The following TRAF3IP3 variants were observed in gnomAD, a reference collection of about 807,000 sequenced individuals.
TRAF3IP3 encodes the protein TRAF3-interacting JNK-activating modulator.
TRAF3IP3 carries 64 observed loss-of-function variants against 86.5 expected under a neutral mutation model. That is an observed-to-expected ratio of 0.74 (90% CI 0.60 to 0.91). The LOEUF is 0.91. TRAF3IP3 is among the 40% of genes least tolerant of loss of function. The pLI, the probability that TRAF3IP3 is intolerant of heterozygous loss-of-function variation, is 0.00. For synonymous variants in TRAF3IP3, 220 were observed against 243.9 expected (o/e 0.90, Z 0.91); for missense variants, 579 against 642.9 (o/e 0.90, Z 1.07).
In TRAF3IP3 at chr1:209,760,310, A is replaced by G; in HGVS notation, c.271A>G (p.Arg91Gly). The change falls in exon 3 of 17, where the codon AGG (arginine) becomes GGG (glycine). Residue 91 changes from arginine to glycine, a missense_variant. By Grantham distance (125) the Arg-to-Gly change is moderately radical. Coordinates refer to ENST00000367025, the MANE Select transcript of TRAF3IP3 (RefSeq NM_025228.4). ...CCAGGCCAGGGAGCAAGGGCCCTCCAGGCGGCCAGGACAGGTGACTGTCCT... is the reference window on the plus strand; with the variant it reads ...CCAGGCCAGGGAGCAAGGGCCCTCCGGGCGGCCAGGACAGGTGACTGTCCT... ...HPQAREQGPS[R>G]RPGQVTVLKE... is the part of the protein sequence containing the mutation. 1 of 1,614,038 alleles carries G rather than the reference A, an allele frequency of 6.2e-7. No individual in the cohort carries two copies. Among genetic ancestry groups the G allele is most frequent in the Non-Finnish European group, 8.5e-7 (1 of 1,179,950 alleles).
At chr1:209,757,360 G>T (rs1276596198) in intron 1 of TRAF3IP3, among the ~76,000 whole-genome samples, 1 of 152,194 alleles carries the variant, frequency 6.6e-6, no homozygotes, top group African/African-American at 2.4e-5. Flanking sequence ...CGGCAAGAAG[G>T]TAGGAGGATT....
chr1:209,768,484 T>C, intron 8 of TRAF3IP3: 1 of 985,460 alleles, frequency 1.0e-6, no homozygotes, highest in Non-Finnish European at 1.2e-6. Flanking sequence ...GGAATTAAGA[T>C]CTTGAGATGA....
rs1259116439 is a variant in TRAF3IP3, at chr1:209,760,046, A to G, written c.7A>G (p.Ser3Gly). MI[S>G]PDPRPSPGLA... Reference sequence around the variant, plus strand: ...CAGGTGCTTGGAGGTCATCATGATCAGCCCAGACCCCAGGCCCTCCCCTGG... The same window carrying G: ...CAGGTGCTTGGAGGTCATCATGATCGGCCCAGACCCCAGGCCCTCCCCTGG... Residue 3 changes from serine to glycine, a missense_variant, in exon 3 of 17, where the codon AGC becomes GGC. Ser to Gly is a moderately conservative substitution (Grantham distance 56, BLOSUM62 0). Transcript: ENST00000367025. 1.9e-6 allele frequency: 3 copies of G among 1,606,916 alleles called. No homozygotes were observed. The highest frequency in any genetic ancestry group is 3.3e-5 in the Admixed American group (2 of 59,856).
rs1423805219 is a variant in TRAF3IP3 at position 209,765,286 on chromosome 1, GAAGA to G, written c.702+1702_702+1705del. Among the ~76,000 whole-genome samples, 667 of 86,410 alleles carry G rather than the reference GAAGA, an allele frequency of 7.7e-3. 21 individuals carry two copies. Among genetic ancestry groups the G allele is most frequent in the African/African-American group, 0.024 (563 of 23,792 alleles). The allele number at this position is 86,410 out of a possible 152,430, so 56.7% of individuals were successfully genotyped here. A position where few individuals can be genotyped will look rare whatever the true frequency, so the allele number is the denominator to read the frequency against. ...GGAAGGAAGGAAGGAAGGAAGGAAG[GAAGA>G]AATTAAGATAGAAATTGAGAAAGAA... On this transcript the variant is annotated intron_variant, in intron 8 of 16. Transcript: ENST00000367025.
intron 8 of TRAF3IP3, 125 bp from the exon 9 acceptor site, chr1:209,772,823 C>T: frequency 1.3e-6 from 1 of 755,108 alleles, no homozygotes; most frequent in Non-Finnish European, 2.3e-6. Context: ...CTCCTGCCTG[C>T]CTCCTGAAAG....
chr1:209,779,911 G>A, intron 14 of TRAF3IP3: 1 of 180,710 alleles, frequency 5.5e-6, no homozygotes, highest in Non-Finnish European at 1.2e-5. Context: ...CACAGAGTAT[G>A]GATAAGAACA....
intron 14 of TRAF3IP3, chr1:209,779,867 A>T: frequency 4.5e-6 from 1 of 219,950 alleles, no homozygotes; most frequent in East Asian, 1.1e-4. Context: ...ATCATTGGGC[A>T]TAATATAATA....
chr1:209,780,203 C>G, intron 14 of TRAF3IP3: 1 of 248,636 alleles, frequency 4.0e-6, no homozygotes. Context: ...GAAGTATTCA[C>G]TAAAACTATC....
chr1:209,761,541 T>G (rs1202484418), intron 3 of TRAF3IP3, among the ~76,000 whole-genome samples: 1 of 152,166 alleles, frequency 6.6e-6, no homozygotes, highest in South Asian at 2.1e-4. Context: ...CAATAGGAGA[T>G]GCTGTTCAGA....
Position 209,763,003 on chromosome 1 carries a change from A to G in TRAF3IP3, c.552-65A>G, listed in dbSNP as rs138139055. The G allele has an allele frequency of 5.3e-4, 846 of 1,597,074 alleles. 4 individuals are homozygous for G. The African/African-American group carries it at 8.9e-3, about 17-fold the overall frequency. On this transcript the variant is annotated intron_variant, in intron 5 of 16. Coordinates refer to ENST00000367025, the MANE Select transcript of TRAF3IP3 (RefSeq NM_025228.4). ...CCTACTGGCTCTTCAGAAGGAATCA[A>G]CCCACTGCCTCCTGACTTGATTCTT...
chr1:209,780,889 C>A lies in TRAF3IP3; in HGVS notation c.1449+283C>A, dbSNP rs181567323. On this transcript the variant is annotated intron_variant, in intron 15 of 16. Transcript: ENST00000367025. ...AAATATTAACTTCTCAATATGTCGT[C>A]CCACATTGAGTATCTTAAGTCTTTA... 6 of 212,896 alleles carry A rather than the reference C, an allele frequency of 2.8e-5. No individual in the cohort carries two copies. The Admixed American group carries it at 3.4e-4, about 12-fold the overall frequency. The allele number at this position is 212,896 out of a possible 1,614,324, so 13.2% of individuals were successfully genotyped here.
rs2102430057 is a variant in TRAF3IP3, at chr1:209,760,359, G to C, written c.320G>C (p.Arg107Thr). 1 of 1,606,710 alleles carries C rather than the reference G, an allele frequency of 6.2e-7. No homozygotes were observed. The highest frequency in any genetic ancestry group is 2.2e-5 in the East Asian group (1 of 44,518). The change falls in exon 3 of 17, where the codon AGA (arginine) becomes ACA (threonine). Residue 107 changes from arginine (R) to threonine (T), a missense_variant. Transcript: ENST00000367025. ...CTCAAGGAACCCTTGTCTTGTGCCA[G>C]AAGGATTTCTTCTCCCAGAGAGCAG... ...TVLKEPLSCA[R>T]RISSPREQVT...
At chr1:209,769,002 G>A (rs558252911) in intron 8 of TRAF3IP3, among the ~76,000 whole-genome samples, 44 of 152,298 alleles carry the variant, frequency 2.9e-4, no homozygotes, top group African/African-American at 1.0e-3. Context: ...CAACACGAAT[G>A]GAAAAGTAAT....
chr1:209,768,145 A>G, intron 8 of TRAF3IP3: 1 of 985,424 alleles, frequency 1.0e-6, no homozygotes, highest in Non-Finnish European at 1.2e-6. Context: ...GGTATCTGGG[A>G]AAAATAATTG....
chr1:209,770,216 CT>C (rs2077437864), intron 8 of TRAF3IP3, among the ~76,000 whole-genome samples: 1 of 152,084 alleles, frequency 6.6e-6, no homozygotes, highest in Admixed American at 6.6e-5. Flanking sequence ...CTTACACCCC[CT>C]GCCGCCCTCA....
Position 209,781,369 on chromosome 1 carries a change from G to A in TRAF3IP3, c.1474G>A (p.Asp492Asn). 1.2e-6 allele frequency: 2 copies of A among 1,613,202 alleles called. No individual in the cohort carries two copies. Among genetic ancestry groups the A allele is most frequent in the Non-Finnish European group, 1.7e-6 (2 of 1,179,404 alleles). The part of the protein sequence containing the change: ...KECRELHSEL[D>N]NLSDEYLSCL... ...GTGCAGAGAACTGCATTCAGAATTA[G>A]ACAACCTCAGTGACGAGTATCTCTC... Residue 492 changes from aspartate to asparagine, a missense_variant, in exon 16 of 17, where the codon GAC (aspartate) becomes AAC (asparagine). Physicochemically the swap from Asp to Asn is conservative, Grantham distance 23. Transcript: ENST00000367025.
In TRAF3IP3 at chr1:209,762,845, A is replaced by T; in HGVS notation, c.526A>T (p.Lys176Ter). The change falls in exon 5 of 17, where the codon AAG (lysine) becomes TAG (stop). Residue 176 changes from lysine to a stop codon, truncating the protein, a stop_gained. Transcript: ENST00000367025. LOFTEE classifies it high-confidence loss of function. Reference protein sequence around the residue: ...TQTKAEGPTIKNDASQQTNYG... With the variant: ...TQTKAEGPTI ...GACAAAGGCAGAAGGACCAACAATT[A>T]AGAACGATGCCAGTCAGCAAACCAA... 1 of 1,614,148 alleles carries T rather than the reference A, an allele frequency of 6.2e-7. No individual in the cohort carries two copies. The highest frequency in any genetic ancestry group is 8.5e-7 in the Non-Finnish European group (1 of 1,180,016).
intron 2 of TRAF3IP3, 109 bp downstream of exon 2, chr1:209,759,243 T>C (rs2077203544): frequency 6.6e-6 from 1 of 152,228 alleles, no homozygotes; most frequent in African/African-American, 2.4e-5. Flanking sequence ...TCAGTCAATA[T>C]TGATTGGACT....
At chr1:209,764,477 C>A (rs2077302773) in intron 8 of TRAF3IP3, among the ~76,000 whole-genome samples, 1 of 152,140 alleles carries the variant, frequency 6.6e-6, no homozygotes, top group Admixed American at 6.5e-5. Context: ...GGTGGTGGCT[C>A]ACACCTGTAA....
Sources: gnomAD v4.1 joint callset for allele counts (sites outside exome capture counted in the v4.1 genomes callset) on GRCh38, gnomAD v4.1.1 for gene constraint, MANE v1.5 for transcripts, NCBI Gene and HGNC (gene_info 2026-07-23, HGNC 2026-07-21) for gene names.